The following STPG2 variants were observed in gnomAD, a reference collection of about 807,000 sequenced individuals.
STPG2 encodes the protein sperm-tail PG-rich repeat-containing protein 2.
In STPG2, 56 loss-of-function variants were observed where a neutral mutation model predicts 54.2. The observed-to-expected ratio is 1.03, with a 90% CI of 0.83 to 1.29. The LOEUF is 1.29. Ranked by LOEUF, STPG2 falls within the 50% of genes most tolerant of loss-of-function variation. The pLI, the probability that STPG2 is intolerant of heterozygous loss-of-function variation, is 0.00. For missense variants in STPG2, 596 were observed against 544.9 expected (o/e 1.09, Z -0.93); for synonymous variants, 200 against 181.8 (o/e 1.10, Z -0.81).
chr4:98,121,436 T>C (rs1417059656), intron 3 of STPG2, among the ~76,000 whole-genome samples: 1 of 152,146 alleles, frequency 6.6e-6, no homozygotes, highest in African/African-American at 2.4e-5. Flanking sequence ...ATGTCAATGG[T>C]AGTTTAAAGA....
chr4:97,634,434 T>C lies in STPG2; in HGVS notation c.1321-75317A>G, dbSNP rs940409922. 4.7e-4 allele frequency among the ~76,000 whole-genome samples: 71 copies of C among 152,162 alleles called. 1 individual carries two copies. The highest frequency in any genetic ancestry group is 9.3e-4 in the Non-Finnish European group (63 of 67,998). ...ACTGGAAACTAAAAATCAGAGCTCC[T>C]CTCCTCCTCCAAAGGAAGGCAGCTC... On this transcript the variant is annotated intron_variant, in intron 10 of 10. Coordinates refer to ENST00000295268, the MANE Select transcript of STPG2 (RefSeq NM_174952.3).
chr4:97,521,029 A>AT (rs1731169864), intron 4 of STPG2, among the ~76,000 whole-genome samples: 1 of 152,040 alleles, frequency 6.6e-6, no homozygotes, highest in Non-Finnish European at 1.5e-5. Context: ...ATGTTATTAA[A>AT]TTTTTTAAAT....
intron 9 of STPG2, among the ~76,000 whole-genome samples, chr4:97,723,957 C>G (rs780456966): frequency 1.3e-5 from 2 of 152,190 alleles, no homozygotes; most frequent in African/African-American, 2.4e-5. Context: ...TGGGTGGGGA[C>G]ACAGAGCCAA....
chr4:97,839,036 G>C (rs1274760619), intron 9 of STPG2, among the ~76,000 whole-genome samples: 1 of 151,532 alleles, frequency 6.6e-6, no homozygotes, highest in Non-Finnish European at 1.5e-5. Flanking sequence ...GACTTTGACA[G>C]TCACTATGTC....
intron 8 of STPG2, among the ~76,000 whole-genome samples, chr4:97,920,246 T>G (rs1055158272): frequency 2.0e-5 from 3 of 152,126 alleles, no homozygotes; most frequent in African/African-American, 7.2e-5. Context: ...GGAATAGAAG[T>G]TCAAATAGCT....
intron 1 of STPG2, among the ~76,000 whole-genome samples, chr4:98,141,767 T>C (rs1740287760): frequency 6.6e-6 from 1 of 152,072 alleles, no homozygotes; most frequent in Non-Finnish European, 1.5e-5. Context: ...ATAAATCTCT[T>C]AAAATATTTT....
At chr4:97,903,723 C>T (rs952977785) in intron 8 of STPG2, among the ~76,000 whole-genome samples, 5 of 152,216 alleles carry the variant, frequency 3.3e-5, no homozygotes, top group Admixed American at 6.5e-5. Context: ...AGACAGTGGG[C>T]GCAGGTCAGT....
At chr4:97,597,836 C>T (rs776007994) in intron 10 of STPG2, among the ~76,000 whole-genome samples, 7 of 152,140 alleles carry the variant, frequency 4.6e-5, no homozygotes, top group Non-Finnish European at 7.4e-5. Context: ...GACAATGATG[C>T]CCACTCTCAC....
At chr4:97,889,024 C>T (rs1012715931) in intron 8 of STPG2, among the ~76,000 whole-genome samples, 1 of 152,166 alleles carries the variant, frequency 6.6e-6, no homozygotes, top group Admixed American at 6.5e-5. Context: ...GAGGCCTCCA[C>T]AGAAGCTAGC....
intron 8 of STPG2, among the ~76,000 whole-genome samples, chr4:97,894,520 T>A (rs1164705290): frequency 6.6e-6 from 1 of 151,926 alleles, no homozygotes; most frequent in Non-Finnish European, 1.5e-5. Flanking sequence ...AACTCCCATT[T>A]CTTATGATCA....
intron 10 of STPG2, among the ~76,000 whole-genome samples, chr4:97,561,721 T>C (rs1343232551): frequency 6.6e-6 from 1 of 152,214 alleles, no homozygotes; most frequent in East Asian, 1.9e-4. Context: ...TGCTTGTTTT[T>C]CTCAGGTTTG....
chr4:98,007,763 C>T (rs1192406695), intron 5 of STPG2, among the ~76,000 whole-genome samples: 1 of 127,856 alleles, frequency 7.8e-6, no homozygotes, highest in African/African-American at 3.0e-5. Flanking sequence ...GATAGATATC[C>T]TTTAAGGAAA....
At chr4:97,823,907 G>C (rs1365115259) in intron 9 of STPG2, among the ~76,000 whole-genome samples, 1 of 152,138 alleles carries the variant, frequency 6.6e-6, no homozygotes, top group African/African-American at 2.4e-5. Context: ...CTGGGTTTGA[G>C]ACCCAACTTA....
chr4:97,955,722 C>T (rs1363850818), intron 7 of STPG2, among the ~76,000 whole-genome samples: 1 of 152,092 alleles, frequency 6.6e-6, no homozygotes, highest in Non-Finnish European at 1.5e-5. Flanking sequence ...AAGAAAACAA[C>T]ACTTCAGACA....
At chr4:97,637,501 G>A (rs1380142695) in intron 10 of STPG2, among the ~76,000 whole-genome samples, 1 of 152,102 alleles carries the variant, frequency 6.6e-6, no homozygotes, top group African/African-American at 2.4e-5. Context: ...AGGGCAATTA[G>A]GCAGGAGAAG....
At chr4:97,734,323 A>C (rs1724901029) in intron 9 of STPG2, among the ~76,000 whole-genome samples, 1 of 151,992 alleles carries the variant, frequency 6.6e-6, no homozygotes, top group Non-Finnish European at 1.5e-5. Flanking sequence ...TACATAGGTA[A>C]ACTTGTGTTA....
intron 9 of STPG2, among the ~76,000 whole-genome samples, chr4:97,800,600 G>A (rs928813768): frequency 1.3e-5 from 2 of 152,212 alleles, no homozygotes; most frequent in South Asian, 4.1e-4. Flanking sequence ...CTAATGGGGG[G>A]TGCCTCCCAG....
At chr4:97,794,431 T>C (rs1297575272) in intron 9 of STPG2, among the ~76,000 whole-genome samples, 1 of 152,144 alleles carries the variant, frequency 6.6e-6, no homozygotes, top group Non-Finnish European at 1.5e-5. Flanking sequence ...TCAATTTTTA[T>C]CACTTGAAAT....
chr4:97,654,838 G>GTA (rs1341603881), intron 10 of STPG2, among the ~76,000 whole-genome samples: 26 of 151,884 alleles, frequency 1.7e-4, no homozygotes, highest in African/African-American at 6.0e-4. Context: ...AAATGATGTG[G>GTA]TATATATAAT....
Sources: allele counts gnomAD v4.1 joint callset (sites outside exome capture counted in the v4.1 genomes callset), GRCh38; gene constraint gnomAD v4.1.1; transcripts MANE v1.5; gene names NCBI Gene and HGNC (gene_info 2026-07-23, HGNC 2026-07-21).